MCF2L2: variants seen among roughly 807,000 people sequenced by gnomAD.
The protein encoded by MCF2L2 is probable guanine nucleotide exchange factor MCF2L2.
In MCF2L2, 102 loss-of-function variants were observed where a neutral mutation model predicts 150.2. The ratio of observed to expected loss-of-function variants is 0.68; its 90% confidence interval spans 0.58 to 0.80. The LOEUF is 0.80. MCF2L2 is among the 30% of genes least tolerant of loss of function. MCF2L2 has a pLI of 0.00. For synonymous variants in MCF2L2, 465 were observed against 491.3 expected (o/e 0.95, Z 0.71); for missense variants, 1,256 against 1,372.8 (o/e 0.91, Z 1.34).
At chr3:183,226,981 T>C (rs1373774778) in intron 18 of MCF2L2, 1 of 152,212 alleles carries the variant, frequency 6.6e-6, no homozygotes, top group African/African-American at 2.4e-5. Flanking sequence ...GCATGGAAGA[T>C]TCCTTCTCTC....
At chr3:183,205,793 T>C in intron 25 of MCF2L2, 83 bp downstream of exon 25, 1 of 1,029,886 alleles carries the variant, frequency 9.7e-7, no homozygotes, top group Non-Finnish European at 1.5e-6. Flanking sequence ...CCATTTTCTT[T>C]CACAATATCC....
In MCF2L2 at chr3:183,323,818, T is replaced by C. The variant is rs138389208; in HGVS notation, c.487-467A>G. 5.7e-3 allele frequency among the ~76,000 whole-genome samples: 864 copies of C among 150,692 alleles called. 2 individuals carry two copies. The highest frequency in any genetic ancestry group is 1.0e-2 in the Non-Finnish European group (676 of 67,714). On this transcript the variant is annotated intron_variant, in intron 5 of 29. Transcript: ENST00000328913. ...TCAAAAAAAAAAAAAAAAGTTACTA[T>C]ATCCAGCAGGGAAATATTTTAAAGT...
intron 5 of MCF2L2, among the ~76,000 whole-genome samples, chr3:183,332,373 A>AATTAAAAGC (rs71892887): frequency 0.033 from 5,068 of 151,428 alleles, 264 homozygotes; most frequent in African/African-American, 0.11. Flanking sequence ...TTAAGTTTAA[A>AATTAAAAGC]ATTAAAAGCA....
intron 1 of MCF2L2, among the ~76,000 whole-genome samples, chr3:183,397,877 T>C (rs545038854): frequency 3.9e-5 from 6 of 152,262 alleles, no homozygotes; most frequent in African/African-American, 1.4e-4. Context: ...TAATAGAGGA[T>C]TGGTTAAATA....
At position 183,377,657 on chromosome 3, in the gene MCF2L2, C is replaced by T. The variant is rs1260945113; in HGVS notation, c.275+1640G>A. 3 of 152,014 alleles carry T rather than the reference C, an allele frequency of 2.0e-5. No homozygotes were observed. The East Asian group carries it at 5.8e-4, about 29-fold the overall frequency. 9.4% of individuals were successfully genotyped at this position (152,014 alleles called of 1,614,324 possible). On this transcript the variant is annotated intron_variant, in intron 3 of 29. Transcript: ENST00000328913. The stretch of plus-strand genomic sequence containing the variant: ...AATAACTTCCATAGGCAAAGGTAAA[C>T]CTCGGGGTTCTGTGGAAATTTAAAA...
At chr3:183,392,860 T>C (rs1321424472) in intron 1 of MCF2L2, among the ~76,000 whole-genome samples, 2 of 152,030 alleles carry the variant, frequency 1.3e-5, no homozygotes, top group East Asian at 1.9e-4. Context: ...CACTCCTGTA[T>C]AGGTAGGTAG....
At chr3:183,250,740 C>A (rs562194753) in intron 15 of MCF2L2, among the ~76,000 whole-genome samples, 18 of 152,014 alleles carry the variant, frequency 1.2e-4, no homozygotes, top group African/African-American at 4.1e-4. Flanking sequence ...GCGGCGGAGC[C>A]AAGGAGATAG....
rs1721461757 is a variant in MCF2L2 at position 183,179,985 on chromosome 3, G to C, written c.3105+86C>G. 2 of 1,087,276 alleles carry C rather than the reference G, an allele frequency of 1.8e-6. No individual in the cohort carries two copies. The highest frequency in any genetic ancestry group is 4.7e-5 in the East Asian group (2 of 42,444). The allele number at this position is 1,087,276 out of a possible 1,614,324, so 67.4% of individuals were successfully genotyped here. On this transcript the variant is annotated intron_variant, in intron 28 of 29. Coordinates refer to ENST00000328913, the MANE Select transcript of MCF2L2 (RefSeq NM_015078.4). The surrounding 1 kb of genome is among the most constrained non-coding windows in gnomAD (Gnocchi z 4.2). ...GTGAGAATCCTGAGGAGGGGGAGAGGGATGGAGGCTAGGGACAGGAGGCAG... is the reference window on the plus strand; with the variant it reads ...GTGAGAATCCTGAGGAGGGGGAGAGCGATGGAGGCTAGGGACAGGAGGCAG...
intron 3 of MCF2L2, among the ~76,000 whole-genome samples, chr3:183,362,583 T>C (rs1373894977): frequency 4.7e-5 from 7 of 147,874 alleles, no homozygotes; most frequent in South Asian, 2.1e-4. Context: ...AAGTAATAGG[T>C]ACAATTTAGC....
At chr3:183,411,481 C>T (rs549305539) in intron 1 of MCF2L2, among the ~76,000 whole-genome samples, 2 of 152,314 alleles carry the variant, frequency 1.3e-5, no homozygotes, top group South Asian at 4.1e-4. Flanking sequence ...CAGCCTCACC[C>T]TTCAAAGAAA....
chr3:183,246,854 T>C (rs1362337209), intron 15 of MCF2L2, among the ~76,000 whole-genome samples: 3 of 152,230 alleles, frequency 2.0e-5, no homozygotes, highest in Non-Finnish European at 4.4e-5. Context: ...TAGATTATCA[T>C]TCTTTTTTTA....
intron 1 of MCF2L2, among the ~76,000 whole-genome samples, chr3:183,396,057 C>T (rs568900479): frequency 1.3e-5 from 2 of 151,750 alleles, no homozygotes. Context: ...ACACCCTCCC[C>T]CCATGAACAT....
At chr3:183,309,912 G>A in intron 9 of MCF2L2, 77 bp from the exon 10 acceptor site, 1 of 1,547,768 alleles carries the variant, frequency 6.5e-7, no homozygotes, top group Non-Finnish European at 8.7e-7. Flanking sequence ...TATGCTTCAA[G>A]AAAACTCAAA....
intron 7 of MCF2L2, among the ~76,000 whole-genome samples, chr3:183,317,465 C>T (rs1024790781): frequency 7.9e-5 from 12 of 152,290 alleles, no homozygotes; most frequent in African/African-American, 2.9e-4. Context: ...TCCCTTTTCT[C>T]GGCAGGTTCT....
chr3:183,297,736 A>AG (rs1309577275), intron 11 of MCF2L2: 1 of 152,276 alleles, frequency 6.6e-6, no homozygotes, highest in Non-Finnish European at 1.4e-5. Flanking sequence ...CATGTTGCCG[A>AG]GGCTGCTCTC....
intron 13 of MCF2L2, among the ~76,000 whole-genome samples, chr3:183,294,685 G>T (rs181363726): frequency 0.017 from 2,456 of 142,830 alleles, 53 homozygotes; most frequent in East Asian, 0.048. Context: ...ATGGAGTGCA[G>T]TGGCGCCATC....
chr3:183,368,417 T>G (rs1445630362), intron 3 of MCF2L2, among the ~76,000 whole-genome samples: 3 of 152,174 alleles, frequency 2.0e-5, no homozygotes, highest in Non-Finnish European at 4.4e-5. Context: ...ATGGTTGCTT[T>G]TGAGCTACAA....
At chr3:183,192,948 G>T in intron 27 of MCF2L2, 51 bp downstream of exon 27, 1 of 1,368,324 alleles carries the variant, frequency 7.3e-7, no homozygotes, top group Non-Finnish European at 1.0e-6. Flanking sequence ...CTAAGCAGCT[G>T]GCATCACCCC....
Position 183,224,110 on chromosome 3 carries a change from G to A in MCF2L2, c.2196C>T (p.Cys732=), listed in dbSNP as rs373401665. ...TTCTCAACATTACCCCAAAGTAGGC[G>A]CAGTCTTGACACTCTTGCCAGATTG... is the stretch of plus-strand genomic sequence containing the variant. ...ARAIWQECQD[C]AYFGVCQRQL... Residue 732 remains cysteine (C), a synonymous_variant, in exon 19 of 30, where the codon TGC becomes TGT. Transcript: ENST00000328913. 103 of 1,613,166 alleles carry A rather than the reference G, an allele frequency of 6.4e-5. 1 individual carries two copies. The African/African-American group carries it at 1.1e-3, about 17-fold the overall frequency.
Sources: gnomAD v4.1 joint callset for allele counts (sites outside exome capture counted in the v4.1 genomes callset) on GRCh38, gnomAD v4.1.1 for gene constraint, Gnocchi (gnomAD v3.1) non-coding constraint, MANE v1.5 for transcripts, NCBI Gene and HGNC (gene_info 2026-07-23, HGNC 2026-07-21) for gene names.